Variants in PCSK5 observed in about 807,000 individuals in gnomAD.
PCSK5 encodes the protein prohormone convertase 5.
A neutral mutation model predicts 233.2 loss-of-function variants in PCSK5; 129 were observed. The observed-to-expected ratio is 0.55, with a 90% CI of 0.48 to 0.64. The LOEUF (loss-of-function observed/expected upper bound fraction) is 0.64. PCSK5 is among the 30% of genes least tolerant of loss of function. PCSK5 has a pLI of 0.00. For synonymous variants in PCSK5, 825 were observed against 879.2 expected, an observed-to-expected ratio of 0.94 and a Z score of 1.09; for missense variants, 2,076 against 2,430.1, an observed-to-expected ratio of 0.85 and a Z score of 3.06.
At position 76,170,638 on chromosome 9, in the gene PCSK5, T is replaced by C. The variant is rs377738411; in HGVS notation, c.1756+798T>C. Among the ~76,000 whole-genome samples, 4 of 152,308 alleles carry C rather than the reference T, an allele frequency of 2.6e-5. No homozygotes were observed. The East Asian group carries it at 7.7e-4, about 29-fold the overall frequency. On this transcript the variant is annotated intron_variant, in intron 13 of 37. Coordinates refer to ENST00000674117, the MANE Select transcript of PCSK5 (RefSeq NM_001372043.1). ...TTTAGCCATCAGATAAAGTCCTCCT[T>C]CTCAGTGCTCTGTCCAGTCCTCTTT...
intron 9 of PCSK5, among the ~76,000 whole-genome samples, chr9:76,129,281 G>C (rs541814095): frequency 4.8e-4 from 73 of 152,192 alleles, no homozygotes; most frequent in African/African-American, 1.5e-3. Flanking sequence ...ATTTTGGATT[G>C]AAGGAGACTA....
At chr9:76,022,081 C>T (rs1828217709) in intron 3 of PCSK5, among the ~76,000 whole-genome samples, 1 of 152,174 alleles carries the variant, frequency 6.6e-6, no homozygotes, top group Admixed American at 6.5e-5. Flanking sequence ...AGACTGGAGT[C>T]TTTTTTCTGA....
chr9:76,176,437 TCTG>T (rs1823620192), intron 14 of PCSK5, among the ~76,000 whole-genome samples: 2 of 152,244 alleles, frequency 1.3e-5, no homozygotes, highest in Non-Finnish European at 2.9e-5. Flanking sequence ...TTGTAGAACA[TCTG>T]CTTCCCATTT....
In PCSK5 at chr9:76,359,837, C is replaced by T. The variant is rs913831282; in HGVS notation, c.*915C>T. On this transcript the variant is annotated 3_prime_UTR_variant, in exon 38 of 38. Transcript: ENST00000674117. ...GAGCTTTCCTTCATCAACAACCCAT[C>T]ACAAAACCGTGGACTCTCAATAGAA... 2 of 152,146 alleles carry T rather than the reference C, an allele frequency of 1.3e-5. No homozygotes were observed. Among genetic ancestry groups the T allele is most frequent in the African/African-American group, 2.4e-5 (1 of 41,434 alleles). The allele number at this position is 152,146 out of a possible 1,614,324, so 9.4% of individuals were successfully genotyped here.
At chr9:76,150,089 G>A (rs1250861080) in intron 10 of PCSK5, among the ~76,000 whole-genome samples, 2 of 152,154 alleles carry the variant, frequency 1.3e-5, no homozygotes, top group African/African-American at 2.4e-5. Context: ...ATAGTGCGTG[G>A]AGAAGAGGAG....
At chr9:76,338,580 A>G (rs925406194) in intron 35 of PCSK5, 133 bp downstream of exon 35, 14 of 642,104 alleles carry the variant, frequency 2.2e-5, no homozygotes, top group Non-Finnish European at 3.0e-5. Context: ...GATCCTCTCC[A>G]GCATCAGCGC....
In PCSK5 at chr9:76,189,219, A is replaced by G. The variant is rs1287433301; in HGVS notation, c.2506A>G (p.Lys836Glu). 6.2e-7 allele frequency: 1 copy of G among 1,612,436 alleles called. No individual in the cohort carries two copies. Among genetic ancestry groups the G allele is most frequent in the Non-Finnish European group, 8.5e-7 (1 of 1,179,690 alleles). Residue 836 changes from lysine to glutamate, a missense_variant, in exon 19 of 38, where the codon AAA (lysine) becomes GAA (glutamate). Physicochemically the swap from Lys to Glu is moderately conservative, Grantham distance 56. This residue lies in a region of PCSK5 where 1,510 missense variants were observed against 1,538.1 expected (regional missense o/e 0.98). Transcript: ENST00000674117. The part of the protein sequence containing the change: ...HSSENGYKSC[K>E]KCDISCLTCN... ...TTCAGAGAATGGATACAAATCCTGC[A>G]AAAAGTAAGTGGATCTGCCCCCTGG...
intron 2 of PCSK5, among the ~76,000 whole-genome samples, chr9:75,961,260 G>A (rs1488062340): frequency 6.6e-6 from 1 of 152,160 alleles, no homozygotes; most frequent in South Asian, 2.1e-4. Flanking sequence ...GATACAAAAT[G>A]CCACTCACTT....
Position 76,354,214 on chromosome 9 carries a change from C to T in PCSK5, c.5249C>T (p.Thr1750Ile). Residue 1750 changes from threonine to isoleucine, a missense_variant, in exon 37 of 38, where the codon ACC becomes ATC. Transcript: ENST00000674117. ...SAQECCDCQD[T>I]TDECILRTSK... is the part of the protein sequence containing the mutation. Reference sequence around the variant, plus strand: ...CAGGAGTGCTGTGACTGCCAGGACACCACGGGTGAGGGAAGAGCAAGAGCA... The same window carrying T: ...CAGGAGTGCTGTGACTGCCAGGACATCACGGGTGAGGGAAGAGCAAGAGCA... The T allele has an allele frequency of 6.3e-7, 1 of 1,575,642 alleles. No individual in the cohort carries two copies. Among genetic ancestry groups the T allele is most frequent in the Non-Finnish European group, 8.6e-7 (1 of 1,161,458 alleles).
rs958740100 is a variant in PCSK5, at chr9:76,360,230, G to C, written c.*1308G>C. The C allele has an allele frequency of 2.0e-5, 3 of 152,192 alleles. No individual in the cohort carries two copies. Among genetic ancestry groups the C allele is most frequent in the Non-Finnish European group, 4.4e-5 (3 of 68,076 alleles). The allele number at this position is 152,192 out of a possible 1,614,324, so 9.4% of individuals were successfully genotyped here. A position where few individuals can be genotyped will look rare whatever the true frequency, so the allele number is the denominator to read the frequency against. On this transcript the variant is annotated 3_prime_UTR_variant, in exon 38 of 38. Coordinates refer to ENST00000674117, the MANE Select transcript of PCSK5 (RefSeq NM_001372043.1). ...ATAATCTATTGCACACCTACTACCA[G>C]ATAACAAGCTAAGTAATTCCCCCCC...
intron 20 of PCSK5, among the ~76,000 whole-genome samples, chr9:76,227,213 G>A (rs1383618761): frequency 2.6e-5 from 4 of 152,148 alleles, no homozygotes; most frequent in Non-Finnish European, 4.4e-5. Context: ...GGGAAGCCCC[G>A]CTTGGCCTTC....
intron 30 of PCSK5, among the ~76,000 whole-genome samples, chr9:76,314,961 C>T (rs1462261116): frequency 1.4e-5 from 2 of 146,024 alleles, no homozygotes. Context: ...TTAACAGTAA[C>T]GTATTTTTTT....
intron 10 of PCSK5, among the ~76,000 whole-genome samples, chr9:76,154,432 T>C (rs1823799486): frequency 6.6e-6 from 1 of 152,164 alleles, no homozygotes; most frequent in Admixed American, 6.5e-5. Context: ...GGTGGACAGT[T>C]CTGGAGGAGG....
intron 25 of PCSK5, among the ~76,000 whole-genome samples, chr9:76,293,740 C>T (rs1828348773): frequency 6.6e-6 from 1 of 152,240 alleles, no homozygotes; most frequent in Admixed American, 6.5e-5. Flanking sequence ...CCACTACTCG[C>T]TAATGAGCAT....
chr9:76,325,659 GAGTTT>G (rs1325226345), intron 32 of PCSK5, among the ~76,000 whole-genome samples: 7 of 129,210 alleles, frequency 5.4e-5, no homozygotes, highest in Non-Finnish European at 1.2e-4. Context: ...TTTTGAGACG[GAGTTT>G]TGCTCTCGTT....
chr9:76,165,255 C>G (rs1265009222), intron 12 of PCSK5, among the ~76,000 whole-genome samples: 1 of 152,130 alleles, frequency 6.6e-6, no homozygotes, highest in Non-Finnish European at 1.5e-5. Flanking sequence ...AGCCTGATGT[C>G]TAGTTCTGTA....
chr9:76,063,122 T>C (rs1830090843), intron 5 of PCSK5, among the ~76,000 whole-genome samples: 1 of 150,930 alleles, frequency 6.6e-6, no homozygotes, highest in Admixed American at 6.6e-5. Flanking sequence ...AATGTCAGGA[T>C]TTAATTTTTT....
At chr9:76,158,879 T>A in intron 11 of PCSK5, 104 bp from the exon 12 acceptor site, 1 of 928,644 alleles carries the variant, frequency 1.1e-6, no homozygotes, top group East Asian at 2.4e-5. Flanking sequence ...TATCCAGCTA[T>A]CAGCTGCTTA....
chr9:76,259,105 A>C (rs917464619), intron 24 of PCSK5, among the ~76,000 whole-genome samples: 1 of 152,224 alleles, frequency 6.6e-6, no homozygotes, highest in Non-Finnish European at 1.5e-5. Context: ...TGGGAATTCT[A>C]TAATATGTCT....
Sources: allele counts gnomAD v4.1 joint callset (sites outside exome capture counted in the v4.1 genomes callset), GRCh38; gene constraint gnomAD v4.1.1; regional missense constraint gnomAD v4.1.1; transcripts MANE v1.5; gene names NCBI Gene and HGNC (gene_info 2026-07-23, HGNC 2026-07-21).